Variants in PCSK5 observed in about 807,000 individuals in gnomAD.
The protein encoded by PCSK5 is proprotein convertase subtilisin/kexin type 5.
In PCSK5, 129 loss-of-function variants were observed where a neutral mutation model predicts 233.2. That is an observed-to-expected ratio of 0.55 (90% CI 0.48 to 0.64). PCSK5 has a LOEUF of 0.64. Ranked by LOEUF, PCSK5 falls within the 30% of genes least tolerant of loss-of-function variation. PCSK5 has a pLI of 0.00. For synonymous variants in PCSK5, 825 were observed against 879.2 expected (o/e 0.94, Z 1.09); for missense variants, 2,076 against 2,430.1 (o/e 0.85, Z 3.06).
chr9:76,168,044 C>G (rs1228358683), intron 12 of PCSK5, among the ~76,000 whole-genome samples: 1 of 152,040 alleles, frequency 6.6e-6, no homozygotes, highest in Non-Finnish European at 1.5e-5. Flanking sequence ...AAGGACTTGC[C>G]CCGTCTTTCA....
intron 24 of PCSK5, among the ~76,000 whole-genome samples, chr9:76,253,249 T>A (rs1220720777): frequency 1.7e-5 from 2 of 118,292 alleles, no homozygotes; most frequent in African/African-American, 5.6e-5. Context: ...CTTCTTCTTC[T>A]TTTTTTTTTT....
At chr9:76,061,153 C>T (rs1371417970) in intron 5 of PCSK5, among the ~76,000 whole-genome samples, 1 of 152,030 alleles carries the variant, frequency 6.6e-6, no homozygotes, top group African/African-American at 2.4e-5. Flanking sequence ...AGCATATTAA[C>T]AAACCAACAG....
At chr9:75,978,424 A>G (rs1326238261) in intron 2 of PCSK5, among the ~76,000 whole-genome samples, 2 of 152,242 alleles carry the variant, frequency 1.3e-5, no homozygotes, top group African/African-American at 4.8e-5. Flanking sequence ...ATTCCATTTT[A>G]CAAATGAGAG....
chr9:75,891,458 C>A lies in PCSK5; in HGVS notation c.192+85C>A, dbSNP rs1825591281. 2.2e-5 allele frequency: 24 copies of A among 1,112,780 alleles called. No individual in the cohort carries two copies. The South Asian group carries it at 3.3e-4, about 15-fold the overall frequency. The allele number at this position is 1,112,780 out of a possible 1,614,324, so 68.9% of individuals were successfully genotyped here. ...CCTCTGCGTGGAACCCCCTCCCCCTCTTCCAGATGTGCTCTAGCAGCTGTT... is the reference window on the plus strand; with the variant it reads ...CCTCTGCGTGGAACCCCCTCCCCCTATTCCAGATGTGCTCTAGCAGCTGTT... On this transcript the variant is annotated intron_variant, in intron 1 of 37. Transcript: ENST00000674117.
chr9:76,126,244 A>G (rs1832850649), intron 9 of PCSK5, among the ~76,000 whole-genome samples: 2 of 151,882 alleles, frequency 1.3e-5, no homozygotes, highest in South Asian at 2.1e-4. Context: ...GATGATGTCT[A>G]ACAATTAGAA....
chr9:75,999,975 A>G (rs1006449504), intron 3 of PCSK5, among the ~76,000 whole-genome samples: 3 of 152,256 alleles, frequency 2.0e-5, no homozygotes, highest in Non-Finnish European at 4.4e-5. Flanking sequence ...AACTATCATC[A>G]GAGTGAACAG....
In PCSK5 at chr9:75,989,298, G is replaced by A. The variant is rs563735772; in HGVS notation, c.411+3053G>A. 9.2e-5 allele frequency among the ~76,000 whole-genome samples: 14 copies of A among 152,196 alleles called. No homozygotes were observed. The South Asian group carries it at 2.9e-3, about 32-fold the overall frequency. ...TAGTTTTTAAAGCAATTATCTCCCA[G>A]CCTGGACAACACGATGAAGCCCCAT... On this transcript the variant is annotated intron_variant, in intron 3 of 37. Transcript: ENST00000674117.
At position 76,287,934 on chromosome 9, in the gene PCSK5, T is replaced by G. The variant is rs143427985; in HGVS notation, c.3143-4299T>G. The stretch of plus-strand genomic sequence containing the variant: ...CACCAGCAAAACATTGTGAATGGCC[T>G]GGCACAGATTTCTCATTTTTCTCAT... On this transcript the variant is annotated intron_variant, in intron 24 of 37. Coordinates refer to ENST00000674117, the MANE Select transcript of PCSK5 (RefSeq NM_001372043.1). The G allele has an allele frequency of 1.7e-4, 29 of 169,792 alleles. No homozygotes were observed. The East Asian group carries it at 4.5e-3, about 27-fold the overall frequency. The allele number at this position is 169,792 out of a possible 1,614,324, so 10.5% of individuals were successfully genotyped here.
intron 7 of PCSK5, among the ~76,000 whole-genome samples, chr9:76,076,019 T>A (rs1309481919): frequency 6.6e-6 from 1 of 152,220 alleles, no homozygotes; most frequent in Admixed American, 6.5e-5. Flanking sequence ...GTAAAGTGAT[T>A]TCTGCTGAGG....
At chr9:75,942,142 G>A (rs1199620203) in intron 2 of PCSK5, among the ~76,000 whole-genome samples, 1 of 152,186 alleles carries the variant, frequency 6.6e-6, no homozygotes. Context: ...CTCGTTGCCT[G>A]CCCGGAGCAG....
chr9:76,295,659 G>C (rs2131413442), intron 26 of PCSK5, among the ~76,000 whole-genome samples: 1 of 152,280 alleles, frequency 6.6e-6, no homozygotes, highest in East Asian at 1.9e-4. Context: ...TGGAAACAAG[G>C]CTGAATTGGA....
chr9:76,121,186 T>G (rs1832617029), intron 9 of PCSK5, among the ~76,000 whole-genome samples: 1 of 152,090 alleles, frequency 6.6e-6, no homozygotes, highest in South Asian at 2.1e-4. Flanking sequence ...GTATGCAGCG[T>G]TTTTTGTTTT....
intron 20 of PCSK5, among the ~76,000 whole-genome samples, chr9:76,215,369 G>A (rs116792798): frequency 1.6e-3 from 249 of 152,284 alleles, no homozygotes; most frequent in African/African-American, 5.6e-3. Flanking sequence ...CACTAGAATC[G>A]AGTTTCCAGG....
rs564650607 is a variant in PCSK5, at chr9:76,033,697, G to T, written c.632+6660G>T. Among the ~76,000 whole-genome samples the T allele has an allele frequency of 3.9e-5, 6 of 152,258 alleles. No homozygotes were observed. The South Asian group carries it at 1.0e-3, about 26-fold the overall frequency. On this transcript the variant is annotated intron_variant, in intron 5 of 37. Coordinates refer to ENST00000674117, the MANE Select transcript of PCSK5 (RefSeq NM_001372043.1). ...AATAGAAATGTAATGCTCAGTTCTG[G>T]AACCTGGGATCGAGGCACCAGCCAT...
At chr9:75,994,396 C>CTTTTTTTTTTTTT (rs1826907729) in intron 3 of PCSK5, among the ~76,000 whole-genome samples, 4 of 68,330 alleles carry the variant, frequency 5.9e-5, no homozygotes, top group African/African-American at 1.1e-4. Flanking sequence ...TTCTTTCTTT[C>CTTTTTTTTTTTTT]TTTCTTTTTT....
intron 24 of PCSK5, 144 bp from the exon 25 acceptor site, chr9:76,292,089 A>G: frequency 1.7e-6 from 1 of 601,254 alleles, no homozygotes; most frequent in Non-Finnish European, 2.9e-6. Context: ...AAACAGTACA[A>G]TCTGTTCAAA....
At chr9:75,937,507 T>C (rs1424243690) in intron 2 of PCSK5, among the ~76,000 whole-genome samples, 1 of 152,146 alleles carries the variant, frequency 6.6e-6, no homozygotes, top group African/African-American at 2.4e-5. Context: ...TTAAGGGCCC[T>C]AGGATTTTTT....
At position 75,979,701 on chromosome 9, in the gene PCSK5, T is replaced by G. The variant is rs1212278392; in HGVS notation, c.298-6431T>G. On this transcript the variant is annotated intron_variant, in intron 2 of 37. Transcript: ENST00000674117. The stretch of plus-strand genomic sequence containing the variant: ...AGCTGGTCACATTGCCCGTAATATC[T>G]TCTTTGAGAAATCTGCACAGATGGT... Among the ~76,000 whole-genome samples the G allele has an allele frequency of 2.6e-5, 4 of 152,208 alleles. No homozygotes were observed. In the East Asian group the frequency reaches 5.8e-4, roughly 22 times the overall value.
rs58659276 is a variant in PCSK5, at chr9:76,124,745, CAAAAAAAAAAAAA to C, written c.1209-9352_1209-9340del. ...CTGGCGACAGAGCAAGACTCCATCT[CAAAAAAAAAAAAA>C]AAAAAAAAAAATGCAAGAAGTCGTC... On this transcript the variant is annotated intron_variant, in intron 9 of 37. Coordinates refer to ENST00000674117, the MANE Select transcript of PCSK5 (RefSeq NM_001372043.1). Among the ~76,000 whole-genome samples, 314 of 92,142 alleles carry C rather than the reference CAAAAAAAAAAAAA, an allele frequency of 3.4e-3. 9 individuals are homozygous for C. Among genetic ancestry groups the C allele is most frequent in the Non-Finnish European group, 3.1e-4 (15 of 48,518 alleles). The allele number at this position is 92,142 out of a possible 152,430, so 60.4% of individuals were successfully genotyped here.
Sources: allele counts gnomAD v4.1 joint callset (sites outside exome capture counted in the v4.1 genomes callset), GRCh38; gene constraint gnomAD v4.1.1; transcripts MANE v1.5; gene names NCBI Gene and HGNC (gene_info 2026-07-23, HGNC 2026-07-21).